The following PCDHGB2 variants were observed in gnomAD, a reference collection of about 807,000 sequenced individuals.
PCDHGB2 encodes the protein protocadherin gamma subfamily B, 2, also known as protocadherin gamma-B2.
In PCDHGB2, 55 loss-of-function variants were observed where a neutral mutation model predicts 59.3. The ratio of observed to expected loss-of-function variants is 0.93; its 90% CI spans 0.75 to 1.16. PCDHGB2 has a LOEUF of 1.16. Among genes scored for constraint, PCDHGB2 ranks in the 50% most tolerant of loss-of-function variants. PCDHGB2 has a pLI of 0.00. For missense variants in PCDHGB2, 1,228 were observed against 1,198.5 expected (o/e 1.02, Z -0.36); for synonymous variants, 516 against 512.0 (o/e 1.01, Z -0.11).
chr5:141,421,402 G>A (rs2096569907), intron 1 of PCDHGB2: 1 of 1,614,076 alleles, frequency 6.2e-7, no homozygotes, highest in Non-Finnish European at 8.5e-7. Context: ...GGAGCCCCGG[G>A]AGCTGGCGAA....
At chr5:141,371,785 A>G (rs1332853019) in intron 1 of PCDHGB2, 1 of 1,613,964 alleles carries the variant, frequency 6.2e-7, no homozygotes, top group Admixed American at 1.7e-5. Flanking sequence ...GTAGCTGAGA[A>G]CAATCCGCCT....
intron 1 of PCDHGB2, chr5:141,370,596 G>T: frequency 6.2e-7 from 1 of 1,613,936 alleles, no homozygotes. Context: ...GAACCTGCGG[G>T]TTATTGCAGA....
chr5:141,490,338 C>A lies in PCDHGB2; in HGVS notation c.2422-4469C>A, dbSNP rs1408559629. Reference sequence around the variant, plus strand: ...CTGTCCTAGAGAGCACACCAGTGGGCACAGTAGTGGGGTTGTTTAATGTGC... The same window carrying A: ...CTGTCCTAGAGAGCACACCAGTGGGAACAGTAGTGGGGTTGTTTAATGTGC... On this transcript the variant is annotated intron_variant, in intron 1 of 3. Coordinates refer to ENST00000522605, the MANE Select transcript of PCDHGB2 (RefSeq NM_018923.3). This position sits in a 1 kb window ranked among gnomAD's most constrained non-coding sequence, Gnocchi z 5.4. 6.2e-7 allele frequency: 1 copy of A among 1,614,184 alleles called. No homozygotes were observed. The highest frequency in any genetic ancestry group is 1.7e-5 in the Admixed American group (1 of 60,032).
intron 1 of PCDHGB2, chr5:141,395,745 T>C (rs2093305954): frequency 6.5e-6 from 1 of 153,196 alleles, no homozygotes; most frequent in African/African-American, 2.4e-5. Context: ...AAACCTCTTT[T>C]CTGAGCCCTG....
chr5:141,403,083 T>C lies in PCDHGB2; in HGVS notation c.2421+40527T>C, dbSNP rs775664314. 7 of 1,613,932 alleles carry C rather than the reference T, an allele frequency of 4.3e-6. No individual in the cohort carries two copies. The highest frequency in any genetic ancestry group is 2.7e-5 in the African/African-American group (2 of 74,948). ...CCTGAAGAGACAGAAAAGGGCTATATTGTGGGCAACATCTCCAAGGACCTG... is the reference window on the plus strand; with the variant it reads ...CCTGAAGAGACAGAAAAGGGCTATACTGTGGGCAACATCTCCAAGGACCTG... On this transcript the variant is annotated intron_variant, in intron 1 of 3. Transcript: ENST00000522605.
chr5:141,427,220 T>G (rs1487350481), intron 1 of PCDHGB2: 1 of 456,710 alleles, frequency 2.2e-6, no homozygotes, highest in East Asian at 6.9e-5. Flanking sequence ...TTCGTAGCAG[T>G]TATACCATGA....
Position 141,511,252 on chromosome 5 carries a change from G to C in PCDHGB2, c.*79G>C. 6.4e-7 allele frequency: 1 copy of C among 1,568,260 alleles called. No homozygotes were observed. The highest frequency in any genetic ancestry group is 8.6e-7 in the Non-Finnish European group (1 of 1,157,002). On this transcript the variant is annotated 3_prime_UTR_variant, in exon 4 of 4. Coordinates refer to ENST00000522605, the MANE Select transcript of PCDHGB2 (RefSeq NM_018923.3). ...TCTCCTTACCTGCACCCAGGCCTCA[G>C]AGTTTCAGGGCTAACCCCCAGAATA... is the stretch of plus-strand genomic sequence containing the variant.
chr5:141,371,918 C>T, intron 1 of PCDHGB2: 1 of 1,613,372 alleles, frequency 6.2e-7, no homozygotes, highest in African/African-American at 1.3e-5. Flanking sequence ...TGTCCGTGAG[C>T]GCGCGGAGCG....
intron 1 of PCDHGB2, among the ~76,000 whole-genome samples, chr5:141,473,246 A>G (rs1045740920): frequency 7.2e-5 from 11 of 152,224 alleles, no homozygotes; most frequent in Admixed American, 4.6e-4. Context: ...AAGTGAATAC[A>G]TATATAGTCC....
At chr5:141,398,747 AC>A in intron 1 of PCDHGB2, 1 of 1,613,496 alleles carries the variant, frequency 6.2e-7, no homozygotes, top group Middle Eastern at 1.6e-4. Context: ...CAACAGAGTT[AC>A]CATCGTTTAG....
At chr5:141,399,115 GA>G in intron 1 of PCDHGB2, 3 of 1,613,814 alleles carry the variant, frequency 1.9e-6, no homozygotes, top group Non-Finnish European at 2.5e-6. Context: ...ATGTACAGTT[GA>G]AATTAATATT....
rs1554116873 is a variant in PCDHGB2 at position 141,423,758 on chromosome 5, G to GT, written c.2421+61202_2421+61203insT. On this transcript the variant is annotated intron_variant, in intron 1 of 3. Coordinates refer to ENST00000522605, the MANE Select transcript of PCDHGB2 (RefSeq NM_018923.3). Reference sequence around the variant, plus strand: ...CTGTTATGAAAACTGTTTGGGGGGGGGGTGGGGCGGCATATATTTAGTTCA... The same window carrying GT: ...CTGTTATGAAAACTGTTTGGGGGGGGTGGTGGGGCGGCATATATTTAGTTCA... 14 of 366,842 alleles carry GT rather than the reference G, an allele frequency of 3.8e-5. 1 individual carries two copies. The highest frequency in any genetic ancestry group is 5.4e-5 in the Non-Finnish European group (14 of 259,742). The allele number at this position is 366,842 out of a possible 1,614,324, so 22.7% of individuals were successfully genotyped here. A position where few individuals can be genotyped will look rare whatever the true frequency, so the allele number is the denominator to read the frequency against.
At position 141,487,215 on chromosome 5, in the gene PCDHGB2, C is replaced by G. The variant is rs1248989099; in HGVS notation, c.2422-7592C>G. 4 of 1,613,850 alleles carry G rather than the reference C, an allele frequency of 2.5e-6. No homozygotes were observed. Among genetic ancestry groups the G allele is most frequent in the East Asian group, 4.5e-5 (2 of 44,882 alleles). The stretch of plus-strand genomic sequence containing the variant: ...GTCCCAGATCTTCGAGAATCTTCAG[C>G]TCCAAGGGAAGGAGAATCTCGTCTA... On this transcript the variant is annotated intron_variant, in intron 1 of 3. Coordinates refer to ENST00000522605, the MANE Select transcript of PCDHGB2 (RefSeq NM_018923.3). This position sits in a 1 kb window ranked among gnomAD's most constrained non-coding sequence, Gnocchi z 5.0.
chr5:141,460,172 G>T (rs545017378), intron 1 of PCDHGB2, among the ~76,000 whole-genome samples: 1 of 151,852 alleles, frequency 6.6e-6, no homozygotes, highest in South Asian at 2.1e-4. Flanking sequence ...ATATTTTGTG[G>T]ATATTTTATC....
At chr5:141,423,067 G>C (rs757110751) in intron 1 of PCDHGB2, 36 of 1,614,024 alleles carry the variant, frequency 2.2e-5, no homozygotes, top group Non-Finnish European at 2.9e-5. Context: ...TAAGGCCAGC[G>C]AGCCGGGACT....
rs775989253 is a variant in PCDHGB2 at position 141,491,769 on chromosome 5, G to A, written c.2422-3038G>A. On this transcript the variant is annotated intron_variant, in intron 1 of 3. Transcript: ENST00000522605. The surrounding 1 kb of genome is among the most constrained non-coding windows in gnomAD (Gnocchi z 6.9). ...CTGGAGAAGCCGCCCGTCCTCATAA[G>A]GGATTGAACTTGCATCCACTCCTCT... 6.4e-7 allele frequency: 1 copy of A among 1,562,376 alleles called. No homozygotes were observed. Among genetic ancestry groups the A allele is most frequent in the African/African-American group, 1.4e-5 (1 of 73,058 alleles).
At chr5:141,384,283 G>T (rs762515266) in intron 1 of PCDHGB2, 17 of 1,613,644 alleles carry the variant, frequency 1.1e-5, no homozygotes, top group Admixed American at 1.7e-5. Flanking sequence ...AGTCTACATC[G>T]CTGAGAACAA....
At chr5:141,367,805 G>T (rs1765340857) in intron 1 of PCDHGB2, 1 of 152,034 alleles carries the variant, frequency 6.6e-6, no homozygotes. Context: ...TTCTGTTATA[G>T]ATAAACCCTT....
intron 2 of PCDHGB2, among the ~76,000 whole-genome samples, chr5:141,499,885 G>A (rs945162089): frequency 2.6e-5 from 4 of 151,850 alleles, no homozygotes; most frequent in Non-Finnish European, 4.4e-5. Flanking sequence ...ACAGGGTTTC[G>A]CCATGTTGGC....
Sources: allele counts gnomAD v4.1 joint callset (sites outside exome capture counted in the v4.1 genomes callset), GRCh38; gene constraint gnomAD v4.1.1; non-coding constraint Gnocchi (gnomAD v3.1); transcripts MANE v1.5; gene names NCBI Gene and HGNC (gene_info 2026-07-23, HGNC 2026-07-21).